FBXL7: variants seen among roughly 807,000 people sequenced by gnomAD.
FBXL7 encodes F-box and leucine rich repeat protein 7, also known as F-box/LRR-repeat protein 7.
FBXL7 carries 12 observed loss-of-function variants against 38.3 expected under a neutral mutation model. The ratio of observed to expected loss-of-function variants is 0.31; its 90% confidence interval spans 0.20 to 0.51. FBXL7 has a LOEUF of 0.51. Among genes scored for constraint, FBXL7 ranks in the 20% least tolerant of loss-of-function variants. FBXL7 has a pLI of 0.98. For synonymous variants in FBXL7, 297 were observed against 300.9 expected (o/e 0.99, Z 0.13); for missense variants, 567 against 676.4 (o/e 0.84, Z 1.79).
intron 2 of FBXL7, among the ~76,000 whole-genome samples, chr5:15,800,217 T>C (rs756380695): frequency 3.9e-5 from 6 of 152,108 alleles, no homozygotes; most frequent in Non-Finnish European, 8.8e-5. Flanking sequence ...GAATGATGGA[T>C]ATGAAAGCAG....
chr5:15,864,924 A>G (rs1343342647), intron 2 of FBXL7, among the ~76,000 whole-genome samples: 2 of 152,196 alleles, frequency 1.3e-5, no homozygotes, highest in Non-Finnish European at 2.9e-5. Context: ...TGCTGCAGAT[A>G]AAAAGGTCTG....
chr5:15,839,522 T>G (rs1561146410), intron 2 of FBXL7, among the ~76,000 whole-genome samples: 1 of 152,152 alleles, frequency 6.6e-6, no homozygotes. Context: ...TCTTTTATTT[T>G]ATTCCAAACT....
chr5:15,622,110 A>C (rs1445013100), intron 2 of FBXL7, among the ~76,000 whole-genome samples: 1 of 152,100 alleles, frequency 6.6e-6, no homozygotes, highest in Non-Finnish European at 1.5e-5. Flanking sequence ...TGTTATTATT[A>C]CTTTTTATAT....
intron 2 of FBXL7, among the ~76,000 whole-genome samples, chr5:15,747,540 CCTT>C (rs1366075798): frequency 1.3e-5 from 2 of 152,152 alleles, no homozygotes; most frequent in Admixed American, 1.3e-4. Flanking sequence ...TTAGGGTTAT[CCTT>C]CTTTATTTTC....
chr5:15,930,854 C>T (rs1742020465), intron 3 of FBXL7, among the ~76,000 whole-genome samples: 1 of 152,222 alleles, frequency 6.6e-6, no homozygotes, highest in African/African-American at 2.4e-5. Context: ...TAAGGGTGCC[C>T]TCCTCTTCTG....
chr5:15,598,326 A>T (rs977934700), intron 1 of FBXL7, among the ~76,000 whole-genome samples: 13 of 152,214 alleles, frequency 8.5e-5, no homozygotes, highest in African/African-American at 2.9e-4. Flanking sequence ...TTATTACTTT[A>T]TACTTATTCA....
rs35194197 is a variant in FBXL7 at position 15,553,959 on chromosome 5, GC to G, written c.37+53248del. ...TTCACAATTCTGCTTGGTTGAAATG[GC>G]CTTAAAGCCCAATTACTTTCAAAGG... On this transcript the variant is annotated intron_variant, in intron 1 of 3. Coordinates refer to ENST00000504595, the MANE Select transcript of FBXL7 (RefSeq NM_012304.5). 4.7e-3 allele frequency among the ~76,000 whole-genome samples: 718 copies of G among 152,236 alleles called. 3 individuals carry two copies. The highest frequency in any genetic ancestry group is 0.016 in the African/African-American group (670 of 41,534).
At chr5:15,916,130 G>A (rs1447334375) in intron 2 of FBXL7, among the ~76,000 whole-genome samples, 1 of 152,130 alleles carries the variant, frequency 6.6e-6, no homozygotes, top group Non-Finnish European at 1.5e-5. Flanking sequence ...ATACACTTGT[G>A]GGGAGAGGAC....
intron 2 of FBXL7, among the ~76,000 whole-genome samples, chr5:15,643,215 T>A (rs775205759): frequency 6.6e-5 from 10 of 152,228 alleles, no homozygotes. Flanking sequence ...TCTCTCAATG[T>A]ATTTGAATTA....
intron 2 of FBXL7, among the ~76,000 whole-genome samples, chr5:15,628,537 T>C (rs1253375722): frequency 6.6e-6 from 1 of 152,184 alleles, no homozygotes; most frequent in Non-Finnish European, 1.5e-5. Context: ...TTTGAGATTG[T>C]TCATTTGCCT....
chr5:15,705,645 A>G (rs986427216), intron 2 of FBXL7, among the ~76,000 whole-genome samples: 7 of 151,608 alleles, frequency 4.6e-5, no homozygotes, highest in Non-Finnish European at 8.8e-5. Context: ...ATAATATACA[A>G]CATAAATCAG....
chr5:15,596,333 G>A (rs778055264), intron 1 of FBXL7, among the ~76,000 whole-genome samples: 61 of 152,236 alleles, frequency 4.0e-4, no homozygotes, highest in South Asian at 3.5e-3. Flanking sequence ...TAATAGATGA[G>A]TAATTATTCA....
chr5:15,750,400 G>T (rs762835346), intron 2 of FBXL7, among the ~76,000 whole-genome samples: 22 of 152,306 alleles, frequency 1.4e-4, no homozygotes, highest in Non-Finnish European at 2.9e-4. Context: ...AGGAGGACAT[G>T]TGCCTTCTTG....
At chr5:15,751,457 A>G (rs555515872) in intron 2 of FBXL7, among the ~76,000 whole-genome samples, 1 of 152,296 alleles carries the variant, frequency 6.6e-6, no homozygotes, top group South Asian at 2.1e-4. Flanking sequence ...TCATTTATAG[A>G]CTTACATCTA....
chr5:15,683,096 T>C (rs1424259325), intron 2 of FBXL7, among the ~76,000 whole-genome samples: 4 of 152,094 alleles, frequency 2.6e-5, no homozygotes, highest in African/African-American at 9.7e-5. Flanking sequence ...TCATTTGAAA[T>C]GGAGGGAGGA....
intron 2 of FBXL7, among the ~76,000 whole-genome samples, chr5:15,700,198 A>C (rs1042726308): frequency 6.6e-6 from 1 of 152,306 alleles, no homozygotes; most frequent in South Asian, 2.1e-4. Context: ...GCTCTTCTTG[A>C]AGTGGAACTA....
At chr5:15,593,598 T>A (rs953308960) in intron 1 of FBXL7, among the ~76,000 whole-genome samples, 1 of 152,216 alleles carries the variant, frequency 6.6e-6, no homozygotes, top group African/African-American at 2.4e-5. Context: ...GTGCAAAGAT[T>A]TAGATTAGCA....
chr5:15,904,993 G>A (rs1275153098), intron 2 of FBXL7, among the ~76,000 whole-genome samples: 2 of 152,124 alleles, frequency 1.3e-5, no homozygotes, highest in Admixed American at 1.3e-4. Context: ...GCTTAAACAG[G>A]AACTAAAAGC....
chr5:15,618,826 A>G (rs1398814743), intron 2 of FBXL7, among the ~76,000 whole-genome samples: 2 of 152,212 alleles, frequency 1.3e-5, no homozygotes, highest in Non-Finnish European at 2.9e-5. Context: ...TAGCAACTTC[A>G]GTCCTTGCCT....
Sources: allele counts gnomAD v4.1 joint callset (sites outside exome capture counted in the v4.1 genomes callset), GRCh38; gene constraint gnomAD v4.1.1; transcripts MANE v1.5; gene names NCBI Gene and HGNC (gene_info 2026-07-23, HGNC 2026-07-21).